MAST4: variants seen among roughly 807,000 people sequenced by gnomAD.
MAST4 encodes microtubule-associated serine/threonine-protein kinase 4.
A neutral mutation model predicts 162.7 loss-of-function variants in MAST4; 89 were observed. That is an observed-to-expected ratio of 0.55 (90% confidence interval 0.46 to 0.65). The LOEUF is 0.65. Among genes scored for constraint, MAST4 ranks in the 30% least tolerant of loss-of-function variants. The pLI is 0.00. For missense variants in MAST4, 3,153 were observed against 3,374.0 expected (o/e 0.93, Z 1.62); for synonymous variants, 1,479 against 1,361.1 (o/e 1.09, Z -1.91).
chr5:66,665,820 A>G (rs984738481), intron 1 of MAST4, among the ~76,000 whole-genome samples: 3 of 152,282 alleles, frequency 2.0e-5, no homozygotes, highest in Admixed American at 1.3e-4. Flanking sequence ...TATCTATTCT[A>G]TGGGGTTATT....
At chr5:66,867,050 T>G (rs1419274234) in intron 3 of MAST4, among the ~76,000 whole-genome samples, 1 of 152,202 alleles carries the variant, frequency 6.6e-6, no homozygotes, top group Admixed American at 6.5e-5. Context: ...CGTGAGCCAC[T>G]ATGCCCAGCT....
intron 4 of MAST4, among the ~76,000 whole-genome samples, chr5:67,050,924 C>A (rs1758096686): frequency 6.6e-6 from 1 of 152,144 alleles, no homozygotes; most frequent in African/African-American, 2.4e-5. Context: ...TGGTGAATGG[C>A]TTCTAGCTGT....
chr5:66,894,322 G>A (rs988589728), intron 3 of MAST4, among the ~76,000 whole-genome samples: 1 of 152,166 alleles, frequency 6.6e-6, no homozygotes, highest in African/African-American at 2.4e-5. Flanking sequence ...ACATTAATGT[G>A]TTGCCAGGCT....
chr5:66,799,508 G>A (rs1245988198), intron 3 of MAST4, among the ~76,000 whole-genome samples: 1 of 152,144 alleles, frequency 6.6e-6, no homozygotes, highest in East Asian at 1.9e-4. Flanking sequence ...CCTTGGGTGG[G>A]TTCTTTTAAA....
chr5:66,846,876 A>G (rs1170333518), intron 3 of MAST4, among the ~76,000 whole-genome samples: 1 of 152,170 alleles, frequency 6.6e-6, no homozygotes, highest in Non-Finnish European at 1.5e-5. Context: ...TTTGAGTTGT[A>G]TATAATTTGC....
intron 4 of MAST4, among the ~76,000 whole-genome samples, chr5:67,048,967 T>C (rs1757705790): frequency 7.2e-6 from 1 of 138,288 alleles, no homozygotes; most frequent in Admixed American, 7.4e-5. Flanking sequence ...GTTATACATA[T>C]AGCATATATA....
intron 1 of MAST4, among the ~76,000 whole-genome samples, chr5:66,635,039 A>G (rs776059820): frequency 1.1e-4 from 16 of 152,208 alleles, no homozygotes; most frequent in Admixed American, 3.3e-4. Context: ...CTTCCTTCAC[A>G]AGTGAGAGAG....
intron 4 of MAST4, among the ~76,000 whole-genome samples, chr5:66,991,423 T>C (rs1319416978): frequency 6.6e-6 from 1 of 152,208 alleles, no homozygotes; most frequent in South Asian, 2.1e-4. Flanking sequence ...TCTTATATCT[T>C]TGAAGCACAT....
intron 1 of MAST4, 95 bp downstream of exon 1, chr5:66,597,113 T>G (rs1258994701): frequency 1.6e-6 from 2 of 1,261,246 alleles, no homozygotes; most frequent in Non-Finnish European, 2.0e-6. Flanking sequence ...GAGAGCGCTG[T>G]GGCCTGGAGA....
chr5:66,906,729 G>C (rs17812404), intron 4 of MAST4, among the ~76,000 whole-genome samples: 1,907 of 152,212 alleles, frequency 0.013, 15 homozygotes, highest in Non-Finnish European at 0.02. Context: ...AAGAAACAAG[G>C]CTAGCAGAAA....
At chr5:66,880,811 T>TA (rs916265511) in intron 3 of MAST4, among the ~76,000 whole-genome samples, 3 of 152,154 alleles carry the variant, frequency 2.0e-5, no homozygotes, top group Non-Finnish European at 4.4e-5. Context: ...ATACCAAAGG[T>TA]AAAAAATATC....
intron 3 of MAST4, among the ~76,000 whole-genome samples, chr5:66,873,214 G>A (rs1426073092): frequency 6.6e-6 from 1 of 152,206 alleles, no homozygotes; most frequent in East Asian, 1.9e-4. Context: ...TGCGGTAGTA[G>A]AAATTTGAGG....
Position 67,165,649 on chromosome 5 carries a change from A to G in MAST4, c.6470A>G (p.His2157Arg). 1 of 1,607,796 alleles carries G rather than the reference A, an allele frequency of 6.2e-7. No individual in the cohort carries two copies. Among genetic ancestry groups the G allele is most frequent in the South Asian group, 1.1e-5 (1 of 89,940 alleles). ...AARQHCSSPS[H>R]ASGREPGAKP... ...AGGCAGCATTGCAGTTCCCCAAGCC[A>G]CGCTTCTGGCAGAGAGCCGGGGGCC... Residue 2157 changes from histidine to arginine, a missense_variant, in exon 29 of 29, where the codon CAC (histidine) becomes CGC (arginine). By Grantham distance (29) the His-to-Arg change is conservative. Coordinates refer to ENST00000403625, the MANE Select transcript of MAST4 (RefSeq NM_001164664.2).
At chr5:66,927,032 T>G (rs1414336541) in intron 4 of MAST4, among the ~76,000 whole-genome samples, 1 of 152,196 alleles carries the variant, frequency 6.6e-6, no homozygotes, top group Admixed American at 6.5e-5. Context: ...CTATGTTTTT[T>G]AATTTAAAAA....
intron 3 of MAST4, among the ~76,000 whole-genome samples, chr5:66,851,504 T>G (rs1759311298): frequency 6.6e-6 from 1 of 152,200 alleles, no homozygotes. Context: ...GATGCATTCT[T>G]TTTGTGTTGG....
At chr5:66,669,663 G>T (rs757548163) in intron 1 of MAST4, among the ~76,000 whole-genome samples, 2 of 152,202 alleles carry the variant, frequency 1.3e-5, no homozygotes, top group African/African-American at 2.4e-5. Context: ...GCTAAAGAAG[G>T]TGTTTGAAGT....
chr5:66,762,073 A>T (rs1301465506), intron 2 of MAST4, among the ~76,000 whole-genome samples: 2 of 152,210 alleles, frequency 1.3e-5, no homozygotes, highest in Non-Finnish European at 1.5e-5. Flanking sequence ...GATCAGATAT[A>T]TGATCTCAAA....
At chr5:67,075,161 G>GGT (rs541004701) in intron 5 of MAST4, among the ~76,000 whole-genome samples, 34 of 128,168 alleles carry the variant, frequency 2.7e-4, no homozygotes, top group African/African-American at 9.5e-4. Context: ...ATTGGAATGA[G>GGT]TTTTTTTTTT....
chr5:66,968,576 G>A (rs75544550), intron 4 of MAST4, among the ~76,000 whole-genome samples: 8,556 of 152,122 alleles, frequency 0.056, 335 homozygotes, highest in Middle Eastern at 0.11. Context: ...CCTGACATAC[G>A]TAGAAGAGGC....
Sources: allele counts gnomAD v4.1 joint callset (sites outside exome capture counted in the v4.1 genomes callset), GRCh38; gene constraint gnomAD v4.1.1; transcripts MANE v1.5; gene names NCBI Gene and HGNC (gene_info 2026-07-23, HGNC 2026-07-21).